Variants in MBTD1 observed in about 807,000 individuals in gnomAD.
MBTD1 encodes mbt domain containing 1.
Under a neutral mutation model 87.8 loss-of-function variants are expected in MBTD1, and 24 were observed. That is an observed-to-expected ratio of 0.27 (90% confidence interval 0.20 to 0.38). The LOEUF (loss-of-function observed/expected upper bound fraction) is 0.38. Ranked by LOEUF, MBTD1 falls within the 10% of genes least tolerant of loss-of-function variation. The pLI, the probability that MBTD1 is intolerant of heterozygous loss-of-function variation, is 1.00. For synonymous variants in MBTD1, 237 were observed against 248.6 expected (o/e 0.95, Z 0.44); for missense variants, 436 against 760.2 (o/e 0.57, Z 5.02).
chr17:51,224,874 T>C (rs1161097834), intron 3 of MBTD1, 134 bp downstream of exon 3: 1 of 489,800 alleles, frequency 2.0e-6, no homozygotes, highest in African/African-American at 2.0e-5. Flanking sequence ...AGTGATCTTA[T>C]CTCGAATTAT....
chr17:51,223,087 AG>A (rs1429152190), intron 3 of MBTD1, among the ~76,000 whole-genome samples: 1 of 151,544 alleles, frequency 6.6e-6, no homozygotes, highest in Non-Finnish European at 1.5e-5. Flanking sequence ...TACAGGCATG[AG>A]CCACCGCACC....
rs774061848 is a variant in MBTD1 at position 51,202,810 on chromosome 17, C to T, written c.954G>A (p.Val318=). Residue 318 remains valine, a synonymous_variant, in exon 10 of 17, where the codon GTG becomes GTA. Coordinates refer to ENST00000586178, the MANE Select transcript of MBTD1 (RefSeq NM_017643.3). ...ESVIGGRLRL[V]YEESEDRTDD... is the part of the protein sequence containing the mutation. ...CTGTTCTATCTTCGCTTTCTTCATA[C>T]ACTAGTCTTAATCTTCCTCCAATTA... 15 of 1,613,980 alleles carry T rather than the reference C, an allele frequency of 9.3e-6. No homozygotes were observed. The Admixed American group carries it at 2.3e-4, about 25-fold the overall frequency.
At chr17:51,236,106 A>T (rs1168470303) in intron 2 of MBTD1, among the ~76,000 whole-genome samples, 1 of 152,142 alleles carries the variant, frequency 6.6e-6, no homozygotes, top group Non-Finnish European at 1.5e-5. Context: ...ATAGATTTAC[A>T]TACCTATAGA....
intron 2 of MBTD1, among the ~76,000 whole-genome samples, chr17:51,234,975 C>A (rs1429016747): frequency 6.6e-6 from 1 of 151,958 alleles, no homozygotes; most frequent in Non-Finnish European, 1.5e-5. Flanking sequence ...GGATTACAGG[C>A]ATGAGCCACC....
chr17:51,180,796 CTTCAT>C (rs2050271449), intron 16 of MBTD1, 102 bp from the exon 17 acceptor site: 7 of 677,012 alleles, frequency 1.0e-5, no homozygotes, highest in African/African-American at 1.8e-5. Flanking sequence ...ATTAAGACTT[CTTCAT>C]TTCTTCAGTT....
intron 12 of MBTD1, among the ~76,000 whole-genome samples, chr17:51,195,878 C>T (rs1019356789): frequency 2.0e-5 from 3 of 152,176 alleles, no homozygotes; most frequent in African/African-American, 7.2e-5. Flanking sequence ...TTGTTCATTT[C>T]TTCACGCCTC....
intron 2 of MBTD1, chr17:51,250,988 A>C (rs1006280071): frequency 3.9e-5 from 6 of 152,226 alleles, no homozygotes; most frequent in African/African-American, 1.2e-4. Flanking sequence ...TTTCTGTTTA[A>C]TCTACTTTGT....
intron 2 of MBTD1, among the ~76,000 whole-genome samples, chr17:51,232,605 G>A (rs1012844405): frequency 1.3e-5 from 2 of 151,902 alleles, no homozygotes; most frequent in African/African-American, 4.8e-5. Flanking sequence ...ATAGAAAACT[G>A]GAAAACAAGA....
At chr17:51,183,992 G>A (rs373685713) in intron 16 of MBTD1, 5 of 152,220 alleles carry the variant, frequency 3.3e-5, no homozygotes, top group South Asian at 2.1e-4. Flanking sequence ...TGTAAGAAAG[G>A]TAAGTTGAGA....
intron 2 of MBTD1, among the ~76,000 whole-genome samples, chr17:51,227,242 CAAAAAAAAAA>C (rs71149355): frequency 0.031 from 3,587 of 115,680 alleles, 95 homozygotes; most frequent in Non-Finnish European, 0.041. Flanking sequence ...ACTCTGTCTC[CAAAAAAAAAA>C]AAAAAAAAAA....
chr17:51,245,046 G>A (rs1352260050), intron 2 of MBTD1, among the ~76,000 whole-genome samples: 1 of 152,016 alleles, frequency 6.6e-6, no homozygotes, highest in Non-Finnish European at 1.5e-5. Context: ...CACTACAGGC[G>A]TGTGCCACCA....
In MBTD1 at chr17:51,243,344, G is replaced by C. The variant is rs147837579; in HGVS notation, c.-49+15799C>G. Among the ~76,000 whole-genome samples the C allele has an allele frequency of 1.6e-3, 246 of 151,134 alleles. 1 individual carries two copies. Among genetic ancestry groups the C allele is most frequent in the African/African-American group, 5.6e-3 (231 of 41,170 alleles). On this transcript the variant is annotated intron_variant, in intron 2 of 16. Transcript: ENST00000586178. Reference sequence around the variant, plus strand: ...GAAGTAACTTTGAACTTTCAGGAAAGTTAGAAGAATAATACAATGAAGTCC... The same window carrying C: ...GAAGTAACTTTGAACTTTCAGGAAACTTAGAAGAATAATACAATGAAGTCC...
At chr17:51,212,811 C>G (rs539422570) in intron 6 of MBTD1, among the ~76,000 whole-genome samples, 1 of 152,152 alleles carries the variant, frequency 6.6e-6, no homozygotes, top group Non-Finnish European at 1.5e-5. Flanking sequence ...GGCTAGAGTG[C>G]AGTGGCGCAA....
intron 2 of MBTD1, among the ~76,000 whole-genome samples, chr17:51,253,599 AC>A (rs1165835637): frequency 1.3e-5 from 2 of 152,182 alleles, no homozygotes; most frequent in Non-Finnish European, 2.9e-5. Context: ...ACTAAGAAAG[AC>A]CTTAGGAGTA....
Position 51,218,923 on chromosome 17 carries a change from A to T in MBTD1, c.403+7T>A. 2 of 1,500,414 alleles carry T rather than the reference A, an allele frequency of 1.3e-6. No individual in the cohort carries two copies. Among genetic ancestry groups the T allele is most frequent in the Non-Finnish European group, 1.8e-6 (2 of 1,100,600 alleles). 92.9% of individuals were successfully genotyped at this position (1,500,414 alleles called of 1,614,324 possible). On this transcript the variant is annotated splice_region_variant and intron_variant, in intron 5 of 16. Transcript: ENST00000586178. The stretch of plus-strand genomic sequence containing the variant: ...TATTTCACCTCTGTCAGATTCACCA[A>T]TATTACCTGCTTTTGTCTTTGCTTG...
intron 6 of MBTD1, among the ~76,000 whole-genome samples, chr17:51,213,741 G>A (rs2052394004): frequency 6.6e-6 from 1 of 152,120 alleles, no homozygotes; most frequent in South Asian, 2.1e-4. Context: ...AATTTTAGTG[G>A]TTTCCAGCCT....
chr17:51,242,490 A>G (rs1179032590), intron 2 of MBTD1, among the ~76,000 whole-genome samples: 2 of 152,232 alleles, frequency 1.3e-5, no homozygotes, highest in East Asian at 3.8e-4. Context: ...TAGACTGACT[A>G]CTGAGTATAA....
At chr17:51,224,222 C>T (rs1225118814) in intron 3 of MBTD1, among the ~76,000 whole-genome samples, 1 of 152,150 alleles carries the variant, frequency 6.6e-6, no homozygotes, top group African/African-American at 2.4e-5. Context: ...TCTGAAGTAT[C>T]CCCAGAATAC....
intron 2 of MBTD1, among the ~76,000 whole-genome samples, chr17:51,243,548 T>C (rs2054270411): frequency 6.6e-6 from 1 of 152,248 alleles, no homozygotes; most frequent in Non-Finnish European, 1.5e-5. Context: ...TTAGGAAATC[T>C]GACAATATAT....
Sources: gnomAD v4.1 joint callset for allele counts (sites outside exome capture counted in the v4.1 genomes callset) on GRCh38, gnomAD v4.1.1 for gene constraint, MANE v1.5 for transcripts, NCBI Gene and HGNC (gene_info 2026-07-23, HGNC 2026-07-21) for gene names.